Variants in MAPK8IP1 observed in about 807,000 individuals in gnomAD.
MAPK8IP1 encodes the protein C-Jun-amino-terminal kinase-interacting protein 1.
MAPK8IP1 carries 17 observed loss-of-function variants against 72.6 expected under a neutral mutation model. The ratio of observed to expected loss-of-function variants is 0.23; its 90% confidence interval spans 0.16 to 0.35. MAPK8IP1 has a LOEUF of 0.35. Ranked by LOEUF, MAPK8IP1 falls within the 10% of genes least tolerant of loss-of-function variation. MAPK8IP1 has a pLI of 1.00. For missense variants in MAPK8IP1, 789 were observed against 1,009.7 expected (o/e 0.78, Z 2.96); for synonymous variants, 401 against 443.4 (o/e 0.90, Z 1.20).
chr11:45,903,160 A>T lies in MAPK8IP1; in HGVS notation c.1393A>T (p.Met465Leu). ...CTCCAAGAAATTCCTGAACGTCTTC[A>T]TGAGTGGCCGCTCCCGCTCCTCCAG... ...HFSKKFLNVF[M>L]SGRSRSSSAE... The change falls in exon 5 of 12, where the codon ATG becomes TTG. Residue 465 changes from methionine (M) to leucine (L), a missense_variant. By Grantham distance (15) the Met-to-Leu change is conservative. This residue lies in a region of MAPK8IP1 where 377 missense variants were observed against 411.7 expected (regional missense o/e 0.92). Coordinates refer to ENST00000241014, the MANE Select transcript of MAPK8IP1 (RefSeq NM_005456.4). The surrounding 1 kb of genome is among the most constrained non-coding windows in gnomAD (Gnocchi z 6.4). The T allele has an allele frequency of 6.2e-7, 1 of 1,604,406 alleles. No individual in the cohort carries two copies. The highest frequency in any genetic ancestry group is 1.7e-5 in the Admixed American group (1 of 59,862).
At position 45,904,120 on chromosome 11, in the gene MAPK8IP1, A is replaced by G. The variant is rs1409806572; in HGVS notation, c.1625A>G (p.Tyr542Cys). 1.2e-6 allele frequency: 2 copies of G among 1,613,970 alleles called. No individual in the cohort carries two copies. The highest frequency in any genetic ancestry group is 2.2e-5 in the East Asian group (1 of 44,872). ...GGTGCCCGGGGTGTCTTTCCTGCCTATTACGCCATCGAGGTCACCAAGGAG... is the reference window on the plus strand; with the variant it reads ...GGTGCCCGGGGTGTCTTTCCTGCCTGTTACGCCATCGAGGTCACCAAGGAG... ...RTGARGVFPA[Y>C]YAIEVTKEPE... Residue 542 changes from tyrosine to cysteine, a missense_variant, in exon 7 of 12, where the codon TAT (tyrosine) becomes TGT (cysteine). Tyr to Cys is a radical substitution (Grantham distance 194, BLOSUM62 -2). Transcript: ENST00000241014. This position sits in a 1 kb window ranked among gnomAD's most constrained non-coding sequence, Gnocchi z 6.4.
chr11:45,899,940 G>A (rs1336324302), intron 2 of MAPK8IP1, among the ~76,000 whole-genome samples, 198 bp from the exon 3 acceptor site: 1 of 152,142 alleles, frequency 6.6e-6, no homozygotes, highest in African/African-American at 2.4e-5. Flanking sequence ...TCAGAGGCAC[G>A]GCTGGATCGG....
In MAPK8IP1 at chr11:45,906,003, G is replaced by A. The variant is rs1348719268; in HGVS notation, c.*282G>A. ...GAGCAGGTCTCTGGCAGAGAAGGAT[G>A]TCCGTTCCAGGAGCACACGGCCCTG... is the stretch of plus-strand genomic sequence containing the variant. On this transcript the variant is annotated 3_prime_UTR_variant, in exon 12 of 12. Coordinates refer to ENST00000241014, the MANE Select transcript of MAPK8IP1 (RefSeq NM_005456.4). 6 of 561,618 alleles carry A rather than the reference G, an allele frequency of 1.1e-5. No individual in the cohort carries two copies. Among genetic ancestry groups the A allele is most frequent in the East Asian group, 6.0e-5 (2 of 33,204 alleles). The allele number at this position is 561,618 out of a possible 1,614,324, so 34.8% of individuals were successfully genotyped here.
chr11:45,896,616 C>T (rs1257022148), intron 1 of MAPK8IP1: 12 of 1,351,482 alleles, frequency 8.9e-6, no homozygotes, highest in Middle Eastern at 2.8e-4. Context: ...CCAGGCCAGC[C>T]GGGAGGAAGG....
chr11:45,889,667 C>T (rs752178382), intron 1 of MAPK8IP1, among the ~76,000 whole-genome samples: 1 of 151,958 alleles, frequency 6.6e-6, no homozygotes, highest in Non-Finnish European at 1.5e-5. Context: ...GAGACCAGCT[C>T]GTCCAACCAG....
rs1429377976 is a variant in MAPK8IP1 at position 45,900,882 on chromosome 11, G to A, written c.522+430G>A. 1.3e-5 allele frequency among the ~76,000 whole-genome samples: 2 copies of A among 152,226 alleles called. No homozygotes were observed. Among genetic ancestry groups the A allele is most frequent in the African/African-American group, 2.4e-5 (1 of 41,528 alleles). ...TGAAATGGTCATCGTGGGGGAGGCC[G>A]TGGGAGATCGTGGCGAGGTGGGGAT... On this transcript the variant is annotated intron_variant, in intron 3 of 11. Coordinates refer to ENST00000241014, the MANE Select transcript of MAPK8IP1 (RefSeq NM_005456.4). This position sits in a 1 kb window ranked among gnomAD's most constrained non-coding sequence, Gnocchi z 6.5.
At position 45,885,836 on chromosome 11, in the gene MAPK8IP1, A is replaced by G. The variant is rs2086522228; in HGVS notation, c.16A>G (p.Ser6Gly). Residue 6 changes from serine to glycine, a missense_variant, in exon 1 of 12, where the codon AGC (serine) becomes GGC (glycine). Ser to Gly is a moderately conservative substitution (Grantham distance 56). Around this residue, in one of 4 missense-constraint regions of MAPK8IP1, gnomAD observed 112 missense variants for 111.8 expected, o/e 1.00. Transcript: ENST00000241014. Reference protein sequence around the residue: MAERESGGLGGGAASP... With the variant: MAEREGGGLGGGAASP... Reference sequence around the variant, plus strand: ...GTGCCCGAGAATGGCGGAGCGAGAAAGCGGCGGCCTGGGAGGGGGGGCCGC... The same window carrying G: ...GTGCCCGAGAATGGCGGAGCGAGAAGGCGGCGGCCTGGGAGGGGGGGCCGC... The G allele has an allele frequency of 7.0e-7, 1 of 1,436,720 alleles. No homozygotes were observed. The highest frequency in any genetic ancestry group is 1.5e-5 in the African/African-American group (1 of 67,626). The allele number at this position is 1,436,720 out of a possible 1,614,324, so 89.0% of individuals were successfully genotyped here. A position where few individuals can be genotyped will look rare whatever the true frequency, so the allele number is the denominator to read the frequency against.
In MAPK8IP1 at chr11:45,904,262, G is replaced by A. The variant is rs1049946737; in HGVS notation, c.1666+101G>A. ...CTCCAGATCTCAGCCAGCCAGGTGG[G>A]GGGCTGAGTGGAAGTGATTTTAGGT... On this transcript the variant is annotated intron_variant, in intron 7 of 11. Transcript: ENST00000241014. The surrounding 1 kb of genome is among the most constrained non-coding windows in gnomAD (Gnocchi z 6.4). 115 of 1,356,948 alleles carry A rather than the reference G, an allele frequency of 8.5e-5. No homozygotes were observed. Among genetic ancestry groups the A allele is most frequent in the Non-Finnish European group, 1.2e-4 (113 of 969,058 alleles). The allele number at this position is 1,356,948 out of a possible 1,614,324, so 84.1% of individuals were successfully genotyped here.
intron 10 of MAPK8IP1, 31 bp from the exon 11 acceptor site, chr11:45,905,120 C>A: frequency 6.2e-7 from 1 of 1,611,330 alleles, no homozygotes; most frequent in Non-Finnish European, 8.5e-7. Flanking sequence ...GCCGAGCCCC[C>A]GTCCCAGCAC....
In MAPK8IP1 at chr11:45,905,202, C is replaced by T. The variant is rs749578837; in HGVS notation, c.2016C>T (p.His672=). 1.9e-5 allele frequency: 30 copies of T among 1,613,176 alleles called. No individual in the cohort carries two copies. The South Asian group carries it at 2.1e-4, about 11-fold the overall frequency. The part of the protein sequence containing the change: ...KHPADHRFAC[H]VFVSEDSTKA... ...CCGCCGACCACCGGTTTGCCTGCCA[C>T]GTCTTTGTGTCTGAAGACTCCACCA... Residue 672 remains histidine, a synonymous_variant, in exon 11 of 12, where the codon CAC becomes CAT. Coordinates refer to ENST00000241014, the MANE Select transcript of MAPK8IP1 (RefSeq NM_005456.4).
At position 45,900,510 on chromosome 11, in the gene MAPK8IP1, C is replaced by T; in HGVS notation, c.522+58C>T. 2.6e-6 allele frequency: 4 copies of T among 1,511,638 alleles called. No individual in the cohort carries two copies. Among genetic ancestry groups the T allele is most frequent in the South Asian group, 2.4e-5 (2 of 82,256 alleles). 93.6% of individuals were successfully genotyped at this position (1,511,638 alleles called of 1,614,324 possible). A position where few individuals can be genotyped will look rare whatever the true frequency, so the allele number is the denominator to read the frequency against. On this transcript the variant is annotated intron_variant, in intron 3 of 11. Transcript: ENST00000241014. This position sits in a 1 kb window ranked among gnomAD's most constrained non-coding sequence, Gnocchi z 6.5. The stretch of plus-strand genomic sequence containing the variant: ...GCCGCCGCGGAGATGTGAGGGGGAG[C>T]GCAGAGGGGCTGCAGCGGGAAGGGG...
At chr11:45,891,827 G>A (rs764688849) in intron 1 of MAPK8IP1, among the ~76,000 whole-genome samples, 5 of 152,206 alleles carry the variant, frequency 3.3e-5, no homozygotes, top group African/African-American at 9.7e-5. Flanking sequence ...TGATGGCCAC[G>A]ATGGAACCAG....
In MAPK8IP1 at chr11:45,903,974, C is replaced by T. The variant is rs761458102; in HGVS notation, c.1494-15C>T. On this transcript the variant is annotated splice_polypyrimidine_tract_variant and intron_variant, in intron 6 of 11. Coordinates refer to ENST00000241014, the MANE Select transcript of MAPK8IP1 (RefSeq NM_005456.4). The surrounding 1 kb of genome is among the most constrained non-coding windows in gnomAD (Gnocchi z 6.4). ...CCTTGGTGCCGAATTTCTCACCTGT[C>T]CTTGCTGGGGACAGGTTTGTGCCTC... The T allele has an allele frequency of 1.5e-5, 24 of 1,612,428 alleles. No homozygotes were observed. Among genetic ancestry groups the T allele is most frequent in the Non-Finnish European group, 2.0e-5 (24 of 1,179,838 alleles).
At position 45,905,694 on chromosome 11, in the gene MAPK8IP1, C is replaced by T; in HGVS notation, c.2109C>T (p.Cys703=). The part of the protein sequence containing the change: ...QFYKQFVEYT[C]PTEDIYLE ...ACAAGCAGTTTGTGGAGTACACCTGCCCCACAGAAGATATCTACCTGGAGT... is the reference window on the plus strand; with the variant it reads ...ACAAGCAGTTTGTGGAGTACACCTGTCCCACAGAAGATATCTACCTGGAGT... Residue 703 remains cysteine, a synonymous_variant, in exon 12 of 12, where the codon TGC becomes TGT. Transcript: ENST00000241014. 1.2e-6 allele frequency: 2 copies of T among 1,613,858 alleles called. No individual in the cohort carries two copies. Among genetic ancestry groups the T allele is most frequent in the Non-Finnish European group, 1.7e-6 (2 of 1,179,824 alleles).
At chr11:45,890,859 A>G (rs11038703) in intron 1 of MAPK8IP1, among the ~76,000 whole-genome samples, 30,119 of 152,148 alleles carry the variant, frequency 0.2, 3,669 homozygotes, top group Non-Finnish European at 0.27. Context: ...CTGGGGCCAA[A>G]GACCCTGGGA....
In MAPK8IP1 at chr11:45,902,231, G is replaced by C. The variant is rs2086659325; in HGVS notation, c.605-141G>C. The C allele has an allele frequency of 1.0e-6, 1 of 972,320 alleles. No individual in the cohort carries two copies. The highest frequency in any genetic ancestry group is 1.6e-5 in the African/African-American group (1 of 62,190). The allele number at this position is 972,320 out of a possible 1,614,324, so 60.2% of individuals were successfully genotyped here. A position where few individuals can be genotyped will look rare whatever the true frequency, so the allele number is the denominator to read the frequency against. On this transcript the variant is annotated intron_variant, in intron 4 of 11. Transcript: ENST00000241014. This position sits in a 1 kb window ranked among gnomAD's most constrained non-coding sequence, Gnocchi z 9.3. ...AGATCAGTGGTGGCATGAGTGAGTT[G>C]ACTGGCCCCAGAGCCTGCGAAGGGC...
chr11:45,900,144 C>T lies in MAPK8IP1; in HGVS notation c.214C>T (p.Arg72Cys). Residue 72 changes from arginine (R) to cysteine (C), a missense_variant, in exon 3 of 12, where the codon CGC becomes TGC. By Grantham distance (180) the Arg-to-Cys change is radical (BLOSUM62 -3). Around this residue, in one of 4 missense-constraint regions of MAPK8IP1, gnomAD observed 112 missense variants for 111.8 expected, o/e 1.00. Transcript: ENST00000241014. This position sits in a 1 kb window ranked among gnomAD's most constrained non-coding sequence, Gnocchi z 6.5. ...CKDTLSLRPP[R>C]AGLLSAGGGG... Reference sequence around the variant, plus strand: ...CCCTCCGTGCGCTGTGCAGCCCCCGCGCGCCGGGCTGCTCTCTGCGGGCGG... The same window carrying T: ...CCCTCCGTGCGCTGTGCAGCCCCCGTGCGCCGGGCTGCTCTCTGCGGGCGG... 1 of 1,277,722 alleles carries T rather than the reference C, an allele frequency of 7.8e-7. No individual in the cohort carries two copies. Among genetic ancestry groups the T allele is most frequent in the Non-Finnish European group, 9.8e-7 (1 of 1,017,238 alleles). The allele number at this position is 1,277,722 out of a possible 1,614,324, so 79.1% of individuals were successfully genotyped here.
At position 45,902,531 on chromosome 11, in the gene MAPK8IP1, C is replaced by T. The variant is rs1166649639; in HGVS notation, c.764C>T (p.Pro255Leu). The T allele has an allele frequency of 8.7e-6, 14 of 1,611,600 alleles. No homozygotes were observed. The highest frequency in any genetic ancestry group is 5.5e-5 in the South Asian group (5 of 90,912). ...MAPPGGPPAA[P>L]PGGRGHSHRD... The stretch of plus-strand genomic sequence containing the variant: ...CCTCCGGGTGGTCCCCCTGCTGCCC[C>T]GCCTGGGGGTCGGGGCCACTCGCAT... The change falls in exon 5 of 12, where the codon CCG becomes CTG. Residue 255 changes from proline to leucine, a missense_variant. Physicochemically the swap from Pro to Leu is moderately conservative, Grantham distance 98 (BLOSUM62 -3). Coordinates refer to ENST00000241014, the MANE Select transcript of MAPK8IP1 (RefSeq NM_005456.4). The surrounding 1 kb of genome is among the most constrained non-coding windows in gnomAD (Gnocchi z 9.3).
At position 45,902,613 on chromosome 11, in the gene MAPK8IP1, C is replaced by T; in HGVS notation, c.846C>T (p.Tyr282=). 1.2e-6 allele frequency: 2 copies of T among 1,612,960 alleles called. No individual in the cohort carries two copies. The highest frequency in any genetic ancestry group is 1.7e-6 in the Non-Finnish European group (2 of 1,179,940). ...DVRLEATEEI[Y]LTPVQRPPDA... ...GACTAGAGGCCACTGAGGAGATCTA[C>T]CTGACCCCAGTGCAGAGGCCCCCAG... The change falls in exon 5 of 12, where the codon TAC becomes TAT. Residue 282 remains tyrosine (Y), a synonymous_variant. Transcript: ENST00000241014. This position sits in a 1 kb window ranked among gnomAD's most constrained non-coding sequence, Gnocchi z 9.3.
Sources: gnomAD v4.1 joint callset for allele counts (sites outside exome capture counted in the v4.1 genomes callset) on GRCh38, gnomAD v4.1.1 for gene constraint, gnomAD v4.1.1 regional missense constraint, Gnocchi (gnomAD v3.1) non-coding constraint, MANE v1.5 for transcripts, NCBI Gene and HGNC (gene_info 2026-07-23, HGNC 2026-07-21) for gene names.